The following ROBO2 variants were observed in gnomAD, a reference collection of about 807,000 sequenced individuals.
ROBO2 encodes the protein roundabout homolog 2.
ROBO2 carries 53 observed loss-of-function variants against 160.8 expected under a neutral mutation model. That is an observed-to-expected ratio of 0.33 (90% CI 0.26 to 0.41). ROBO2 has a LOEUF of 0.41. Ranked by LOEUF, ROBO2 falls within the 10% of genes least tolerant of loss-of-function variation. The probability of loss-of-function intolerance (pLI) is 1.00; values close to 1 mark genes in which losing one functional copy is unlikely to be tolerated. For synonymous variants in ROBO2, 664 were observed against 611.7 expected (o/e 1.09, Z -1.26); for missense variants, 1,577 against 1,722.4 (o/e 0.92, Z 1.49).
chr3:76,858,672 A>G (rs1453575852), intron 2 of ROBO2, among the ~76,000 whole-genome samples: 1 of 152,212 alleles, frequency 6.6e-6, no homozygotes, highest in Non-Finnish European at 1.5e-5. Flanking sequence ...CAGACAGAGA[A>G]GTTTGATTTT....
At chr3:76,631,674 G>T (rs2090039404) in intron 2 of ROBO2, among the ~76,000 whole-genome samples, 1 of 152,150 alleles carries the variant, frequency 6.6e-6, no homozygotes, top group Non-Finnish European at 1.5e-5. Context: ...TAGAGTTAGA[G>T]CATGGTCAGG....
rs375816838 is a variant in ROBO2, at chr3:76,401,180, C to T, written c.109+463578C>T. Among the ~76,000 whole-genome samples, 5 of 151,566 alleles carry T rather than the reference C, an allele frequency of 3.3e-5. 1 individual carries two copies. The highest frequency in any genetic ancestry group is 2.1e-4 in the South Asian group (1 of 4,820). On this transcript the variant is annotated intron_variant, in intron 2 of 26. Coordinates refer to the ROBO2 transcript ENST00000487694. ...AGTCATCACAGATGAGTTGTGTAGT[C>T]TTCAGGACTCAGTCAACATTGCAAG...
chr3:76,178,609 A>T (rs374425299), intron 2 of ROBO2, among the ~76,000 whole-genome samples: 156 of 152,302 alleles, frequency 1.0e-3, no homozygotes, highest in African/African-American at 2.5e-3. Context: ...ATAATGTGGC[A>T]CAGCCTTCTA....
At chr3:76,743,335 GA>G (rs1374145499) in intron 2 of ROBO2, among the ~76,000 whole-genome samples, 2 of 152,048 alleles carry the variant, frequency 1.3e-5, no homozygotes, top group Non-Finnish European at 2.9e-5. Context: ...AAAATGTAAT[GA>G]AATCAAGACT....
intron 2 of ROBO2, among the ~76,000 whole-genome samples, chr3:76,497,301 T>A (rs2080205720): frequency 6.6e-6 from 1 of 152,130 alleles, no homozygotes; most frequent in South Asian, 2.1e-4. Flanking sequence ...GCTCAAGCAA[T>A]CCTCCCACAT....
At chr3:76,463,389 A>AAAAT (rs1427009410) in intron 2 of ROBO2, among the ~76,000 whole-genome samples, 2 of 151,904 alleles carry the variant, frequency 1.3e-5, no homozygotes, top group East Asian at 1.9e-4. Context: ...AAAACAAAAT[A>AAAAT]AAAAAAACTA....
At chr3:76,703,149 G>T (rs993067035) in intron 2 of ROBO2, among the ~76,000 whole-genome samples, 1 of 152,104 alleles carries the variant, frequency 6.6e-6, no homozygotes. Context: ...GGTAGTTGTT[G>T]CTTTACATGG....
chr3:76,341,555 C>T (rs765026519), intron 2 of ROBO2, among the ~76,000 whole-genome samples: 38 of 147,322 alleles, frequency 2.6e-4, no homozygotes, highest in Non-Finnish European at 4.3e-4. Context: ...GTGGACTGTT[C>T]AACTGGATCA....
At chr3:76,834,095 T>TTTCA (rs1243214302) in intron 2 of ROBO2, among the ~76,000 whole-genome samples, 2 of 147,192 alleles carry the variant, frequency 1.4e-5, no homozygotes, top group Admixed American at 1.4e-4. Context: ...TCTTTCTTTC[T>TTTCA]TTCTTTCTTT....
chr3:77,369,395 C>T (rs2071416152), intron 2 of ROBO2, among the ~76,000 whole-genome samples: 1 of 152,152 alleles, frequency 6.6e-6, no homozygotes, highest in South Asian at 2.1e-4. Flanking sequence ...CCTCCTGTGT[C>T]ACTGAGCTGC....
intron 2 of ROBO2, among the ~76,000 whole-genome samples, chr3:76,625,701 A>G (rs1053623801): frequency 6.6e-6 from 1 of 152,166 alleles, no homozygotes; most frequent in African/African-American, 2.4e-5. Context: ...TTTGAGGGAC[A>G]GCAAAGGAAT....
chr3:77,612,247 C>T (rs570825208), intron 21 of ROBO2, among the ~76,000 whole-genome samples: 9 of 152,166 alleles, frequency 5.9e-5, no homozygotes, highest in African/African-American at 9.6e-5. Flanking sequence ...GAAATTCTGT[C>T]ACTCAAATAA....
chr3:76,247,805 AC>A, intron 2 of ROBO2, among the ~76,000 whole-genome samples: 1 of 152,186 alleles, frequency 6.6e-6, no homozygotes, highest in South Asian at 2.1e-4. Context: ...CAAGAAAAAA[AC>A]AACCCCATCA....
intron 2 of ROBO2, among the ~76,000 whole-genome samples, chr3:76,877,150 GT>G (rs2072831626): frequency 6.6e-6 from 1 of 152,088 alleles, no homozygotes; most frequent in Admixed American, 6.6e-5. Flanking sequence ...TTTTATTAGT[GT>G]TTGAAAGTTA....
At chr3:76,906,018 T>G (rs1019844192) in intron 2 of ROBO2, among the ~76,000 whole-genome samples, 1 of 152,174 alleles carries the variant, frequency 6.6e-6, no homozygotes, top group Non-Finnish European at 1.5e-5. Context: ...TTTGTTTTTC[T>G]TCTCCATGGT....
intron 2 of ROBO2, among the ~76,000 whole-genome samples, chr3:77,435,926 T>C (rs2079235723): frequency 1.3e-5 from 2 of 151,268 alleles, no homozygotes; most frequent in South Asian, 2.1e-4. Flanking sequence ...TGCCATATCT[T>C]GGTCCTGGGA....
chr3:76,245,392 A>C (rs914759812), intron 2 of ROBO2, among the ~76,000 whole-genome samples: 4 of 152,234 alleles, frequency 2.6e-5, no homozygotes, highest in East Asian at 3.9e-4. Flanking sequence ...GGATGGATGA[A>C]TCTAACTACC....
At chr3:77,014,588 C>T (rs985947210) in intron 2 of ROBO2, among the ~76,000 whole-genome samples, 1 of 152,188 alleles carries the variant, frequency 6.6e-6, no homozygotes, top group African/African-American at 2.4e-5. Flanking sequence ...CAGTCTCCTG[C>T]AGCTCTATTT....
intron 2 of ROBO2, among the ~76,000 whole-genome samples, chr3:75,969,224 C>T (rs571210745): frequency 6.7e-6 from 1 of 150,228 alleles, no homozygotes; most frequent in Non-Finnish European, 1.5e-5. Flanking sequence ...GTTTCTTTAT[C>T]CAATTGTTTT....
Sources: allele counts gnomAD v4.1 joint callset (sites outside exome capture counted in the v4.1 genomes callset), GRCh38; gene constraint gnomAD v4.1.1; transcripts MANE v1.5; gene names NCBI Gene and HGNC (gene_info 2026-07-23, HGNC 2026-07-21).